Variants in MPZL2 observed in about 807,000 individuals in gnomAD.
The protein encoded by MPZL2 is myelin protein zero like 2.
MPZL2 carries 32 observed loss-of-function variants against 24.5 expected under a neutral mutation model. The ratio of observed to expected loss-of-function variants is 1.31; its 90% CI spans 0.99 to 1.76. The LOEUF is 1.76. Ranked by LOEUF, MPZL2 falls within the 40% of genes most tolerant of loss-of-function variation. The pLI, the probability that MPZL2 is intolerant of heterozygous loss-of-function variation, is 0.00. For missense variants in MPZL2, 304 were observed against 274.9 expected (o/e 1.11, Z -0.75); for synonymous variants, 92 against 97.9 (o/e 0.94, Z 0.36).
intron 5 of MPZL2, 31 bp downstream of exon 5, chr11:118,257,207 A>G: frequency 6.6e-7 from 1 of 1,514,304 alleles, no homozygotes; most frequent in Non-Finnish European, 9.1e-7. Context: ...AGAAAGCTGA[A>G]GAAAGAAATC....
chr11:118,258,866 T>C (rs921124914), intron 4 of MPZL2, among the ~76,000 whole-genome samples: 4 of 152,188 alleles, frequency 2.6e-5, no homozygotes, highest in Non-Finnish European at 5.9e-5. Context: ...AAAAGCTCCC[T>C]GAGGCCTCCT....
intron 1 of MPZL2, 142 bp from the exon 2 acceptor site, chr11:118,263,239 C>G: frequency 1.2e-6 from 1 of 843,284 alleles, no homozygotes; most frequent in Non-Finnish European, 1.8e-6. Flanking sequence ...ACTTACTTCA[C>G]CCAGAATCTA....
intron 5 of MPZL2, among the ~76,000 whole-genome samples, chr11:118,255,958 G>T (rs1471273241): frequency 1.3e-5 from 2 of 151,982 alleles, no homozygotes; most frequent in African/African-American, 2.4e-5. Context: ...AGTTTCTTTT[G>T]ATCTAAAACA....
intron 5 of MPZL2, among the ~76,000 whole-genome samples, chr11:118,255,815 C>T (rs978339018): frequency 1.3e-5 from 2 of 152,082 alleles, no homozygotes; most frequent in Non-Finnish European, 2.9e-5. Context: ...TAATATTATC[C>T]ATATATTTAA....
chr11:118,262,098 A>G (rs1165758938), intron 3 of MPZL2, among the ~76,000 whole-genome samples: 2 of 152,168 alleles, frequency 1.3e-5, no homozygotes, highest in Non-Finnish European at 2.9e-5. Context: ...TAGGTACTCA[A>G]TAAGTATCTC....
rs1293970340 is a variant in MPZL2, at chr11:118,254,812, G to T, written c.*434C>A. 1 of 152,152 alleles carries T rather than the reference G, an allele frequency of 6.6e-6. No individual in the cohort carries two copies. Among genetic ancestry groups the T allele is most frequent in the Non-Finnish European group, 1.5e-5 (1 of 68,032 alleles). 9.4% of individuals were successfully genotyped at this position (152,152 alleles called of 1,614,324 possible). A position where few individuals can be genotyped will look rare whatever the true frequency, so the allele number is the denominator to read the frequency against. On this transcript the variant is annotated 3_prime_UTR_variant, in exon 6 of 6. Coordinates refer to ENST00000278937, the MANE Select transcript of MPZL2 (RefSeq NM_005797.4). ...TAGCTCACCTTTTAATTGAGAATGT[G>T]GGAAGGAAAGAGAGTAAACACATTA... is the stretch of plus-strand genomic sequence containing the variant.
Position 118,262,434 on chromosome 11 carries a change from C to T in MPZL2, c.436+4G>A. On this transcript the variant is annotated splice_donor_region_variant and intron_variant, in intron 3 of 5. Transcript: ENST00000278937. ...CCAAAACCACTGTTCCCTGCATAAC[C>T]TACCAGTGTGCACGACGCTGAGCCG... 1.9e-6 allele frequency: 3 copies of T among 1,613,554 alleles called. No homozygotes were observed. Among genetic ancestry groups the T allele is most frequent in the Non-Finnish European group, 2.5e-6 (3 of 1,179,938 alleles).
At chr11:118,257,428 A>C in intron 4 of MPZL2, 115 bp from the exon 5 acceptor site, 1 of 764,562 alleles carries the variant, frequency 1.3e-6, no homozygotes, top group Non-Finnish European at 2.2e-6. Context: ...AATTACATGC[A>C]CTTGGGAGTA....
chr11:118,263,193 TAA>T, intron 1 of MPZL2, 96 bp from the exon 2 acceptor site: 1 of 1,251,916 alleles, frequency 8.0e-7, no homozygotes, highest in Non-Finnish European at 1.1e-6. Context: ...GAGTAGGACT[TAA>T]AGTAAAGTGA....
chr11:118,257,943 G>A (rs1448890994), intron 4 of MPZL2, among the ~76,000 whole-genome samples: 1 of 152,036 alleles, frequency 6.6e-6, no homozygotes, highest in Non-Finnish European at 1.5e-5. Flanking sequence ...CCAGGAGGCG[G>A]AGGTTGCAGT....
Position 118,254,515 on chromosome 11 carries a change from C to G in MPZL2, c.*731G>C, listed in dbSNP as rs971011462. 2 of 152,208 alleles carry G rather than the reference C, an allele frequency of 1.3e-5. No homozygotes were observed. Among genetic ancestry groups the G allele is most frequent in the Non-Finnish European group, 2.9e-5 (2 of 68,042 alleles). The allele number at this position is 152,208 out of a possible 1,614,324, so 9.4% of individuals were successfully genotyped here. On this transcript the variant is annotated 3_prime_UTR_variant, in exon 6 of 6. Coordinates refer to ENST00000278937, the MANE Select transcript of MPZL2 (RefSeq NM_005797.4). Reference sequence around the variant, plus strand: ...ACATTGTTGATTATTTTTCCCAGCACAGAAGAAAAGTGACAAGTGATTCAT... The same window carrying G: ...ACATTGTTGATTATTTTTCCCAGCAGAGAAGAAAAGTGACAAGTGATTCAT...
Position 118,263,064 on chromosome 11 carries a change from G to A in MPZL2, c.92C>T (p.Thr31Ile), listed in dbSNP as rs138632660. The A allele has an allele frequency of 1.2e-6, 2 of 1,614,014 alleles. No individual in the cohort carries two copies. Among genetic ancestry groups the A allele is most frequent in the African/African-American group, 2.7e-5 (2 of 75,000 alleles). Reference sequence around the variant, plus strand: ...ATTAACAGCCTCCAGCACCCGGGAGGTATAAATTTCCACAGCTGCTATAGG... The same window carrying A: ...ATTAACAGCCTCCAGCACCCGGGAGATATAAATTTCCACAGCTGCTATAGG... ...LWPIAAVEIY[T>I]SRVLEAVNGT... Residue 31 changes from threonine (T) to isoleucine (I), a missense_variant, in exon 2 of 6, where the codon ACC becomes ATC. Transcript: ENST00000278937.
At chr11:118,262,059 T>C (rs868323720) in intron 3 of MPZL2, among the ~76,000 whole-genome samples, 27 of 152,344 alleles carry the variant, frequency 1.8e-4, no homozygotes, top group Non-Finnish European at 3.1e-4. Context: ...GTGTATGTCA[T>C]GCACTTTTGA....
At position 118,262,548 on chromosome 11, in the gene MPZL2, A is replaced by C. The variant is rs1251370223; in HGVS notation, c.326T>G (p.Leu109Arg). 1.2e-6 allele frequency: 2 copies of C among 1,614,220 alleles called. No homozygotes were observed. Among genetic ancestry groups the C allele is most frequent in the Non-Finnish European group, 1.7e-6 (2 of 1,180,036 alleles). Residue 109 changes from leucine (L) to arginine (R), a missense_variant, in exon 3 of 6, where the codon CTT becomes CGT. Leu to Arg is a moderately radical substitution (Grantham distance 102). Coordinates refer to ENST00000278937, the MANE Select transcript of MPZL2 (RefSeq NM_005797.4). Reference protein sequence around the residue: ...GNPERYDASILLWKLQFDDNG... With the variant: ...GNPERYDASIRLWKLQFDDNG... Reference sequence around the variant, plus strand: ...GTCGTCGAACTGCAGTTTCCAGAGAAGGATGGAGGCATCGTACCGCTCAGG... The same window carrying C: ...GTCGTCGAACTGCAGTTTCCAGAGACGGATGGAGGCATCGTACCGCTCAGG...
intron 3 of MPZL2, among the ~76,000 whole-genome samples, chr11:118,260,844 A>C (rs1949695800): frequency 6.6e-6 from 1 of 152,182 alleles, no homozygotes; most frequent in South Asian, 2.1e-4. Flanking sequence ...GCCACACTAG[A>C]GTCTGTGAAC....
intron 3 of MPZL2, among the ~76,000 whole-genome samples, chr11:118,261,931 G>A (rs531428842): frequency 1.3e-5 from 2 of 152,302 alleles, no homozygotes; most frequent in South Asian, 4.1e-4. Flanking sequence ...GATGAGATAT[G>A]TAAAGATTAA....
chr11:118,259,615 A>C (rs1391464464), intron 4 of MPZL2: 1 of 153,048 alleles, frequency 6.5e-6, no homozygotes, highest in Non-Finnish European at 1.5e-5. Context: ...TGTGAAAATG[A>C]AAAAGGTAAA....
chr11:118,262,135 G>A (rs770262901), intron 3 of MPZL2, among the ~76,000 whole-genome samples: 2 of 152,150 alleles, frequency 1.3e-5, no homozygotes, highest in Non-Finnish European at 2.9e-5. Context: ...GAACAGACCT[G>A]TTGTAAGCCT....
intron 4 of MPZL2, chr11:118,257,631 A>T (rs1265534565): frequency 4.9e-6 from 1 of 205,388 alleles, no homozygotes; most frequent in Admixed American, 5.9e-5. Context: ...CAAAAAAAAA[A>T]TAAAAAGTTT....
Sources: gnomAD v4.1 joint callset for allele counts (sites outside exome capture counted in the v4.1 genomes callset) on GRCh38, gnomAD v4.1.1 for gene constraint, MANE v1.5 for transcripts, NCBI Gene and HGNC (gene_info 2026-07-23, HGNC 2026-07-21) for gene names.